The following SLC24A3 variants were observed in gnomAD, a reference collection of about 807,000 sequenced individuals.
SLC24A3 encodes the protein sodium/potassium/calcium exchanger 3.
A neutral mutation model predicts 75.8 loss-of-function variants in SLC24A3; 28 were observed. The ratio of observed to expected loss-of-function variants is 0.37; its 90% CI spans 0.27 to 0.51. The LOEUF is 0.51. Among genes scored for constraint, SLC24A3 ranks in the 20% least tolerant of loss-of-function variants. SLC24A3 has a pLI of 0.94. For synonymous variants in SLC24A3, 372 were observed against 334.1 expected, an observed-to-expected ratio of 1.11 and a Z score of -1.24; for missense variants, 663 against 847.8, an observed-to-expected ratio of 0.78 and a Z score of 2.71.
intron 2 of SLC24A3, among the ~76,000 whole-genome samples, chr20:19,389,492 T>C (rs1180266195): frequency 1.3e-5 from 2 of 152,050 alleles, no homozygotes; most frequent in Non-Finnish European, 2.9e-5. Flanking sequence ...GGTTATAATA[T>C]TCTTGGTTAG....
At chr20:19,402,433 G>T (rs1288094211) in intron 2 of SLC24A3, among the ~76,000 whole-genome samples, 1 of 152,160 alleles carries the variant, frequency 6.6e-6, no homozygotes, top group Non-Finnish European at 1.5e-5. Context: ...GGACAGAAAT[G>T]ATGAGAAACC....
chr20:19,456,094 T>C (rs80230674), intron 2 of SLC24A3, among the ~76,000 whole-genome samples: 1 of 152,150 alleles, frequency 6.6e-6, no homozygotes, highest in African/African-American at 2.4e-5. Context: ...CCTTTTTTTT[T>C]CCATCTGTAT....
intron 2 of SLC24A3, among the ~76,000 whole-genome samples, chr20:19,326,937 C>A (rs924352006): frequency 6.6e-6 from 1 of 152,100 alleles, no homozygotes; most frequent in African/African-American, 2.4e-5. Context: ...GTAGATCCTG[C>A]CAATAATTAG....
intron 2 of SLC24A3, among the ~76,000 whole-genome samples, chr20:19,384,747 GAATCATC>G (rs1245142622): frequency 3.3e-5 from 5 of 152,168 alleles, no homozygotes. Context: ...ATTCTCTGAA[GAATCATC>G]ATACTCTTTT....
chr20:19,563,909 C>A (rs2030916623), intron 3 of SLC24A3, among the ~76,000 whole-genome samples: 1 of 152,152 alleles, frequency 6.6e-6, no homozygotes, highest in South Asian at 2.1e-4. Flanking sequence ...CTAATAAGAA[C>A]CTTTAGGCAA....
intron 2 of SLC24A3, among the ~76,000 whole-genome samples, chr20:19,500,740 G>A (rs949643512): frequency 6.6e-6 from 1 of 152,140 alleles, no homozygotes; most frequent in Non-Finnish European, 1.5e-5. Context: ...CTCAAACATC[G>A]TTACAAGAAC....
chr20:19,674,692 A>C (rs762241870), intron 9 of SLC24A3, among the ~76,000 whole-genome samples: 1 of 152,198 alleles, frequency 6.6e-6, no homozygotes, highest in Non-Finnish European at 1.5e-5. Context: ...AGAACTGTTG[A>C]GGTATTTTAA....
At chr20:19,596,512 G>A (rs3790270) in intron 6 of SLC24A3, among the ~76,000 whole-genome samples, 76,421 of 152,086 alleles carry the variant, frequency 0.5, 21,105 homozygotes, top group African/African-American at 0.75. Context: ...GAGGTTGACC[G>A]TTATGAGTCA....
intron 2 of SLC24A3, among the ~76,000 whole-genome samples, chr20:19,488,681 G>A (rs1258345513): frequency 2.0e-5 from 3 of 152,162 alleles, no homozygotes; most frequent in African/African-American, 7.2e-5. Context: ...AGGACCAGAA[G>A]TGTTTCAGAT....
At chr20:19,599,624 A>G (rs557542872) in intron 6 of SLC24A3, among the ~76,000 whole-genome samples, 4 of 152,206 alleles carry the variant, frequency 2.6e-5, no homozygotes, top group Non-Finnish European at 4.4e-5. Flanking sequence ...CCTGTTAGAC[A>G]CTGAGACTCT....
chr20:19,390,799 A>G (rs1176624483), intron 2 of SLC24A3, among the ~76,000 whole-genome samples: 1 of 152,074 alleles, frequency 6.6e-6, no homozygotes, highest in Non-Finnish European at 1.5e-5. Flanking sequence ...CCTGAGGCCA[A>G]AGGGACTGAC....
intron 15 of SLC24A3, among the ~76,000 whole-genome samples, chr20:19,699,822 T>C (rs1271189774): frequency 3.3e-5 from 5 of 152,218 alleles, no homozygotes; most frequent in Admixed American, 3.3e-4. Context: ...CACTGGAGGC[T>C]GAGGCTTTTG....
At chr20:19,388,639 G>A (rs542995346) in intron 2 of SLC24A3, among the ~76,000 whole-genome samples, 1 of 152,328 alleles carries the variant, frequency 6.6e-6, no homozygotes, top group Admixed American at 6.5e-5. Flanking sequence ...GTGAACCCGG[G>A]AGATGGAGCT....
intron 16 of SLC24A3, among the ~76,000 whole-genome samples, chr20:19,718,467 G>A (rs2033065353): frequency 6.6e-6 from 1 of 152,156 alleles, no homozygotes; most frequent in Admixed American, 6.5e-5. Flanking sequence ...TTCCCATTTG[G>A]AGCTCATCAT....
At chr20:19,220,499 A>G (rs1981676469) in intron 1 of SLC24A3, among the ~76,000 whole-genome samples, 1 of 152,256 alleles carries the variant, frequency 6.6e-6, no homozygotes, top group Non-Finnish European at 1.5e-5. Flanking sequence ...GGGGTGGGAT[A>G]AGGGATTGGT....
chr20:19,415,803 T>C lies in SLC24A3; in HGVS notation c.272-99685T>C, dbSNP rs77459379. Among the ~76,000 whole-genome samples the C allele has an allele frequency of 9.6e-3, 1,463 of 152,290 alleles. 16 individuals carry two copies. The highest frequency in any genetic ancestry group is 0.029 in the African/African-American group (1,223 of 41,556). On this transcript the variant is annotated intron_variant, in intron 2 of 16. Transcript: ENST00000328041. ...CAATTCCAGGAGGGGAAAGCTAAGA[T>C]ATACAGTAAACCTAAAGTCATGATT...
At chr20:19,696,080 C>G (rs2032802496) in intron 13 of SLC24A3, among the ~76,000 whole-genome samples, 1 of 129,458 alleles carries the variant, frequency 7.7e-6, no homozygotes, top group Admixed American at 9.7e-5. Flanking sequence ...TACAATGGCA[C>G]TATCACAGCT....
intron 2 of SLC24A3, among the ~76,000 whole-genome samples, chr20:19,424,073 G>T (rs899272687): frequency 6.6e-6 from 1 of 152,210 alleles, no homozygotes; most frequent in Non-Finnish European, 1.5e-5. Context: ...GGCATGGTGT[G>T]ATCTAGAAAC....
At chr20:19,701,478 T>A (rs1013577901) in intron 15 of SLC24A3, among the ~76,000 whole-genome samples, 3 of 152,204 alleles carry the variant, frequency 2.0e-5, no homozygotes, top group African/African-American at 7.2e-5. Flanking sequence ...TATCAAGAAG[T>A]TCAGCTCTGA....
Sources: gnomAD v4.1 joint callset for allele counts (sites outside exome capture counted in the v4.1 genomes callset) on GRCh38, gnomAD v4.1.1 for gene constraint, MANE v1.5 for transcripts, NCBI Gene and HGNC (gene_info 2026-07-23, HGNC 2026-07-21) for gene names.